Variants in ACBD3 observed in about 807,000 individuals in gnomAD.
ACBD3 encodes the protein acyl-CoA binding domain containing 3.
Under a neutral mutation model 66.9 loss-of-function variants are expected in ACBD3, and 30 were observed. That is an observed-to-expected ratio of 0.45 (90% CI 0.34 to 0.61). ACBD3 has a LOEUF of 0.61. Among genes scored for constraint, ACBD3 ranks in the 20% least tolerant of loss-of-function variants. ACBD3 has a pLI of 0.02. For missense variants in ACBD3, 544 were observed against 664.5 expected (o/e 0.82, Z 1.99); for synonymous variants, 278 against 259.8 (o/e 1.07, Z -0.68).
At chr1:226,152,796 T>C (rs187935793) in intron 6 of ACBD3, among the ~76,000 whole-genome samples, 177 bp from the exon 7 acceptor site, 120 of 152,332 alleles carry the variant, frequency 7.9e-4, no homozygotes, top group African/African-American at 2.7e-3. Context: ...TCCAGATTAC[T>C]ATGTTTAACA....
chr1:226,152,268 C>CTGAACTATGT, intron 7 of ACBD3, 67 bp downstream of exon 7: 1 of 1,574,642 alleles, frequency 6.4e-7, no homozygotes, highest in Non-Finnish European at 8.6e-7. Context: ...TGGGTGACAC[C>CTGAACTATGT]TGAACTATGT....
chr1:226,182,058 C>T (rs1656182006), intron 1 of ACBD3, among the ~76,000 whole-genome samples: 1 of 151,942 alleles, frequency 6.6e-6, no homozygotes, highest in Non-Finnish European at 1.5e-5. Flanking sequence ...AGCAAGACCT[C>T]TGTCTCTACA....
rs759374832 is a variant in ACBD3, at chr1:226,186,668, G to A, written c.8C>T (p.Ala3Val). The A allele has an allele frequency of 1.3e-6, 2 of 1,502,764 alleles. No individual in the cohort carries two copies. Among genetic ancestry groups the A allele is most frequent in the Admixed American group, 2.1e-5 (1 of 48,714 alleles). 93.1% of individuals were successfully genotyped at this position (1,502,764 alleles called of 1,614,324 possible). A position where few individuals can be genotyped will look rare whatever the true frequency, so the allele number is the denominator to read the frequency against. Residue 3 changes from alanine (A) to valine (V), a missense_variant, in exon 1 of 8, where the codon GCG (alanine) becomes GTG (valine). Ala to Val is a moderately conservative substitution (Grantham distance 64). Coordinates refer to ENST00000366812, the MANE Select transcript of ACBD3 (RefSeq NM_022735.4). Reference sequence around the variant, plus strand: ...CTCGAGTCGCTCTGCGTTCAGCACCGCCGCCATCTCCGGCTGCTGCACCTC... The same window carrying A: ...CTCGAGTCGCTCTGCGTTCAGCACCACCGCCATCTCCGGCTGCTGCACCTC... MA[A>V]VLNAERLEVS... is the part of the protein sequence containing the mutation.
chr1:226,171,905 C>T (rs1012255920), intron 1 of ACBD3, among the ~76,000 whole-genome samples: 2 of 151,772 alleles, frequency 1.3e-5, no homozygotes, highest in South Asian at 2.1e-4. Context: ...CCTGTAATCC[C>T]GGCACTTTGG....
intron 1 of ACBD3, among the ~76,000 whole-genome samples, chr1:226,169,958 T>C (rs1457127826): frequency 6.9e-6 from 1 of 145,662 alleles, no homozygotes; most frequent in East Asian, 2.1e-4. Flanking sequence ...GAGATGGAGG[T>C]TGCAGCGAGC....
intron 5 of ACBD3, among the ~76,000 whole-genome samples, chr1:226,157,566 G>A (rs1659700073): frequency 6.6e-6 from 1 of 151,828 alleles, no homozygotes; most frequent in Non-Finnish European, 1.5e-5. Context: ...TCGAGACAGG[G>A]TCTCACTCTG....
intron 6 of ACBD3, 129 bp downstream of exon 6, chr1:226,154,518 G>GT: frequency 9.2e-7 from 1 of 1,089,664 alleles, no homozygotes; most frequent in Non-Finnish European, 1.3e-6. Context: ...ACTAAAAAGA[G>GT]TAAAAAAATG....
chr1:226,147,720 C>CA (rs1333817666), intron 7 of ACBD3, among the ~76,000 whole-genome samples: 2 of 151,962 alleles, frequency 1.3e-5, no homozygotes, highest in Admixed American at 6.6e-5. Context: ...ATCTAAGTGG[C>CA]AAAAAATGGG....
At chr1:226,178,168 T>G (rs971048361) in intron 1 of ACBD3, among the ~76,000 whole-genome samples, 1 of 152,136 alleles carries the variant, frequency 6.6e-6, no homozygotes, top group Non-Finnish European at 1.5e-5. Flanking sequence ...CTTACTAAAC[T>G]CACAAGTATT....
At chr1:226,182,903 T>C (rs1420488235) in intron 1 of ACBD3, among the ~76,000 whole-genome samples, 1 of 152,198 alleles carries the variant, frequency 6.6e-6, no homozygotes, top group Non-Finnish European at 1.5e-5. Flanking sequence ...AAACTATCCA[T>C]ACTGAAAAGT....
chr1:226,179,855 T>C (rs1365857899), intron 1 of ACBD3, among the ~76,000 whole-genome samples: 1 of 149,130 alleles, frequency 6.7e-6, no homozygotes, highest in Non-Finnish European at 1.5e-5. Flanking sequence ...TGAAACTCCG[T>C]CTCCAAAAAA....
chr1:226,157,606 C>T (rs992017589), intron 5 of ACBD3, among the ~76,000 whole-genome samples: 2 of 152,076 alleles, frequency 1.3e-5, no homozygotes, highest in African/African-American at 4.8e-5. Context: ...GTGGCGCCAT[C>T]ACAGCTCACT....
intron 1 of ACBD3, among the ~76,000 whole-genome samples, chr1:226,175,413 G>A (rs939456166): frequency 2.0e-5 from 3 of 152,160 alleles, no homozygotes; most frequent in South Asian, 2.1e-4. Flanking sequence ...TTGGGCAGCC[G>A]ACTTAACTAA....
At chr1:226,149,975 G>GA (rs776253126) in intron 7 of ACBD3, among the ~76,000 whole-genome samples, 1 of 151,950 alleles carries the variant, frequency 6.6e-6, no homozygotes, top group Non-Finnish European at 1.5e-5. Flanking sequence ...TGATGTTGTT[G>GA]AAGGTCACAT....
At chr1:226,155,811 G>C (rs988520945) in intron 5 of ACBD3, among the ~76,000 whole-genome samples, 1 of 152,118 alleles carries the variant, frequency 6.6e-6, no homozygotes. Flanking sequence ...TGCAATTTGA[G>C]GTTAAAAATA....
At chr1:226,167,889 C>T (rs565327014) in intron 1 of ACBD3, among the ~76,000 whole-genome samples, 1 of 152,184 alleles carries the variant, frequency 6.6e-6, no homozygotes, top group South Asian at 2.1e-4. Context: ...CCCCCACCTC[C>T]CATCAGATAA....
chr1:226,177,742 C>T (rs1210822198), intron 1 of ACBD3, among the ~76,000 whole-genome samples: 1 of 150,958 alleles, frequency 6.6e-6, no homozygotes, highest in Non-Finnish European at 1.5e-5. Flanking sequence ...TTGTTTTGAG[C>T]CACTATTTTT....
intron 1 of ACBD3, among the ~76,000 whole-genome samples, chr1:226,168,641 C>T (rs1659918422): frequency 6.6e-6 from 1 of 152,146 alleles, no homozygotes; most frequent in Non-Finnish European, 1.5e-5. Flanking sequence ...GTGGTAGCCA[C>T]CATAACATGA....
intron 1 of ACBD3, among the ~76,000 whole-genome samples, chr1:226,185,582 T>C (rs1045773960): frequency 3.3e-5 from 5 of 151,756 alleles, no homozygotes; most frequent in Admixed American, 6.6e-5. Flanking sequence ...AATCATGTGA[T>C]TGGTCTCTCC....
Sources: gnomAD v4.1 joint callset for allele counts (sites outside exome capture counted in the v4.1 genomes callset) on GRCh38, gnomAD v4.1.1 for gene constraint, MANE v1.5 for transcripts, NCBI Gene and HGNC (gene_info 2026-07-23, HGNC 2026-07-21) for gene names.